Variants in SDHC observed in about 807,000 individuals in gnomAD.
SDHC encodes succinate dehydrogenase complex subunit C.
A neutral mutation model predicts 22.6 loss-of-function variants in SDHC; 11 were observed. The observed-to-expected ratio is 0.49, with a 90% CI of 0.31 to 0.81. The LOEUF (loss-of-function observed/expected upper bound fraction) is 0.81, where lower values mean the gene tolerates loss of function less well. Among genes scored for constraint, SDHC ranks in the 30% least tolerant of loss-of-function variants. The probability of loss-of-function intolerance (pLI) is 0.05; values close to 1 mark genes in which losing one functional copy is unlikely to be tolerated. For synonymous variants in SDHC, 80 were observed against 77.8 expected (o/e 1.03, Z -0.15); for missense variants, 160 against 212.0 (o/e 0.75, Z 1.52).
chr1:161,354,358 G>T (rs1342982936), intron 4 of SDHC, among the ~76,000 whole-genome samples: 1 of 152,122 alleles, frequency 6.6e-6, no homozygotes, highest in African/African-American at 2.4e-5. Context: ...GAACTACCTT[G>T]AGCTAGTAGT....
In SDHC at chr1:161,362,359, C is replaced by A. The variant is rs541660851; in HGVS notation, c.436C>A (p.Pro146Thr). The stretch of plus-strand genomic sequence containing the variant: ...GGACCTAGGAAAAGGCCTGAAGATT[C>A]CCCAGCTATACCAGTCTGGAGTGGT... ...MWDLGKGLKI[P>T]QLYQSGVVVL... The change falls in exon 6 of 6, where the codon CCC becomes ACC. Residue 146 changes from proline to threonine, a missense_variant. Physicochemically the swap from Pro to Thr is conservative, Grantham distance 38. Coordinates refer to ENST00000367975, the MANE Select transcript of SDHC (RefSeq NM_003001.5). 4 of 1,610,416 alleles carry A rather than the reference C, an allele frequency of 2.5e-6. No homozygotes were observed. Among genetic ancestry groups the A allele is most frequent in the Non-Finnish European group, 3.4e-6 (4 of 1,179,188 alleles).
chr1:161,330,334 A>T (rs1361784041), intron 3 of SDHC, among the ~76,000 whole-genome samples: 5 of 152,226 alleles, frequency 3.3e-5, no homozygotes. Flanking sequence ...GCAACAAGTT[A>T]CATACTCCCA....
chr1:161,359,368 A>G (rs929827334), intron 5 of SDHC, among the ~76,000 whole-genome samples: 3 of 152,240 alleles, frequency 2.0e-5, no homozygotes, highest in African/African-American at 7.2e-5. Context: ...AAGTGTCTGT[A>G]TCAACTGTTC....
At chr1:161,355,846 T>C (rs1672249487) in intron 4 of SDHC, among the ~76,000 whole-genome samples, 1 of 152,020 alleles carries the variant, frequency 6.6e-6, no homozygotes, top group African/African-American at 2.4e-5. Context: ...TAGCGAGGCA[T>C]GGTGGCATGC....
At chr1:161,326,312 C>G (rs2102302068) in intron 2 of SDHC, among the ~76,000 whole-genome samples, 1 of 152,032 alleles carries the variant, frequency 6.6e-6, no homozygotes, top group Admixed American at 6.6e-5. Context: ...AACATGTTTT[C>G]CTAATACTGT....
intron 5 of SDHC, among the ~76,000 whole-genome samples, chr1:161,360,053 C>T (rs1429197314): frequency 6.7e-6 from 1 of 149,934 alleles, no homozygotes; most frequent in Non-Finnish European, 1.5e-5. Flanking sequence ...TCTGGGCTTC[C>T]ATCTTTTCTC....
intron 1 of SDHC, 158 bp downstream of exon 1, chr1:161,314,583 C>G (rs1184545913): frequency 3.6e-6 from 3 of 831,954 alleles, no homozygotes; most frequent in African/African-American, 1.7e-5. Context: ...ACCCCTTTTC[C>G]CGTCCCCCCC....
At chr1:161,338,953 A>G (rs1671599315) in intron 3 of SDHC, among the ~76,000 whole-genome samples, 1 of 152,102 alleles carries the variant, frequency 6.6e-6, no homozygotes, top group Non-Finnish European at 1.5e-5. Context: ...GATTCAAGTC[A>G]TTCTCCTGCC....
intron 4 of SDHC, among the ~76,000 whole-genome samples, chr1:161,351,864 C>G (rs1272449494): frequency 6.6e-6 from 1 of 152,136 alleles, no homozygotes; most frequent in Non-Finnish European, 1.5e-5. Flanking sequence ...TAGATGTTTT[C>G]TTTTCATTTG....
rs527357998 is a variant in SDHC, at chr1:161,347,942, C to CTT, written c.241+7289_241+7290dup. Among the ~76,000 whole-genome samples, 86 of 152,186 alleles carry CTT rather than the reference C, an allele frequency of 5.7e-4. 1 individual carries two copies. In the East Asian group the frequency reaches 0.017, roughly 29 times the overall value. On this transcript the variant is annotated intron_variant, in intron 4 of 5. Transcript: ENST00000367975. ...AGAAAGTGGGCCAAATGGTGAAGGA[C>CTT]TTTGACTGCCATGCTGTAGACCATG...
At chr1:161,357,557 G>A (rs932030418) in intron 5 of SDHC, among the ~76,000 whole-genome samples, 2 of 145,642 alleles carry the variant, frequency 1.4e-5, no homozygotes, top group Non-Finnish European at 3.0e-5. Context: ...CTCCCACCAC[G>A]CCCGGCTAAT....
chr1:161,358,930 C>CAAA (rs59347827), intron 5 of SDHC, among the ~76,000 whole-genome samples: 1 of 115,600 alleles, frequency 8.7e-6, no homozygotes, highest in Non-Finnish European at 1.8e-5. Context: ...AATTCCGTCT[C>CAAA]AAAAAAAAAA....
chr1:161,330,525 G>T (rs1415381249), intron 3 of SDHC, among the ~76,000 whole-genome samples: 1 of 152,182 alleles, frequency 6.6e-6, no homozygotes, highest in Non-Finnish European at 1.5e-5. Context: ...TGCCCTCTGG[G>T]CTTATAGCTC....
At chr1:161,346,489 C>G (rs1355642072) in intron 4 of SDHC, among the ~76,000 whole-genome samples, 1 of 151,880 alleles carries the variant, frequency 6.6e-6, no homozygotes, top group African/African-American at 2.4e-5. Context: ...AACTCTGCCT[C>G]CCAGGTTCAA....
Position 161,356,841 on chromosome 1 carries a change from G to C in SDHC, c.405+1G>C, listed in dbSNP as rs587776653. ...TACCTGGAATGGGATCCGACACTTG[G>C]TAAGTTAATTCGGGATTTGCACATT... On this transcript the variant is annotated splice_donor_variant, in intron 5 of 5. Transcript: ENST00000367975. LOFTEE classifies it high-confidence loss of function. The C allele has an allele frequency of 6.2e-7, 1 of 1,613,922 alleles. No individual in the cohort carries two copies. Among genetic ancestry groups the C allele is most frequent in the Non-Finnish European group, 8.5e-7 (1 of 1,179,852 alleles).
intron 4 of SDHC, among the ~76,000 whole-genome samples, chr1:161,350,158 C>T (rs1368665069): frequency 6.6e-6 from 1 of 152,156 alleles, no homozygotes; most frequent in East Asian, 1.9e-4. Context: ...GATCCACCTG[C>T]CTTGGCCTCC....
chr1:161,344,499 T>TA (rs1671828754), intron 4 of SDHC, among the ~76,000 whole-genome samples: 1 of 152,140 alleles, frequency 6.6e-6, no homozygotes, highest in South Asian at 2.1e-4. Flanking sequence ...TTTCTGTCTT[T>TA]ACCCCTTTGA....
At chr1:161,317,437 C>T (rs1670658678) in intron 1 of SDHC, among the ~76,000 whole-genome samples, 1 of 151,058 alleles carries the variant, frequency 6.6e-6, no homozygotes, top group South Asian at 2.1e-4. Flanking sequence ...AATATGTGTA[C>T]CTTGTGGAGC....
At chr1:161,317,770 A>G (rs1233018693) in intron 1 of SDHC, among the ~76,000 whole-genome samples, 1 of 150,852 alleles carries the variant, frequency 6.6e-6, no homozygotes, top group Non-Finnish European at 1.5e-5. Flanking sequence ...CATGTTGATC[A>G]GGCTGGTCTT....
Sources: allele counts gnomAD v4.1 joint callset (sites outside exome capture counted in the v4.1 genomes callset), GRCh38; gene constraint gnomAD v4.1.1; transcripts MANE v1.5; gene names NCBI Gene and HGNC (gene_info 2026-07-23, HGNC 2026-07-21).